Variants in CALB2 observed in about 807,000 individuals in gnomAD.
The protein encoded by CALB2 is calbindin 2, also known as calretinin.
CALB2 carries 34 observed loss-of-function variants against 45.9 expected under a neutral mutation model. The observed-to-expected ratio is 0.74, with a 90% CI of 0.56 to 0.99. CALB2 has a LOEUF of 0.99. Among genes scored for constraint, CALB2 ranks in the 50% least tolerant of loss-of-function variants. The pLI is 0.00. For synonymous variants in CALB2, 142 were observed against 129.6 expected, an observed-to-expected ratio of 1.10 and a Z score of -0.65; for missense variants, 344 against 339.3, an observed-to-expected ratio of 1.01 and a Z score of -0.11.
chr16:71,378,763 A>C (rs2042447274), intron 4 of CALB2, among the ~76,000 whole-genome samples: 1 of 152,172 alleles, frequency 6.6e-6, no homozygotes, highest in Admixed American at 6.5e-5. Flanking sequence ...CTGAGAAATC[A>C]AGCAATAAAG....
At chr16:71,359,753 T>C (rs1206856264) in intron 1 of CALB2, among the ~76,000 whole-genome samples, 3 of 152,196 alleles carry the variant, frequency 2.0e-5, no homozygotes, top group East Asian at 1.9e-4. Flanking sequence ...TTAGAGGCTT[T>C]TGATATCACT....
intron 4 of CALB2, among the ~76,000 whole-genome samples, chr16:71,382,093 A>AAAGG (rs1197560241): frequency 2.1e-5 from 3 of 142,024 alleles, no homozygotes; most frequent in Non-Finnish European, 3.0e-5. Context: ...AAAGAAAGAG[A>AAAGG]AAGGAAGGAA....
chr16:71,380,160 G>C (rs59788423), intron 4 of CALB2, among the ~76,000 whole-genome samples: 20,397 of 151,878 alleles, frequency 0.13, 1,459 homozygotes, highest in South Asian at 0.19. Context: ...TTGTAGGGGG[G>C]GCAGGGATGC....
At chr16:71,361,301 T>A (rs141090388) in intron 1 of CALB2, among the ~76,000 whole-genome samples, 51 of 152,288 alleles carry the variant, frequency 3.3e-4, no homozygotes, top group Middle Eastern at 3.4e-3. Flanking sequence ...AAGATATGTA[T>A]ACAGCCAAAT....
At chr16:71,373,577 C>T (rs1358776055) in intron 2 of CALB2, among the ~76,000 whole-genome samples, 1 of 152,190 alleles carries the variant, frequency 6.6e-6, no homozygotes, top group South Asian at 2.1e-4. Flanking sequence ...AGTCTGTCAA[C>T]AATCCCAACT....
chr16:71,368,860 C>T (rs1045807456), intron 1 of CALB2, among the ~76,000 whole-genome samples: 11 of 152,238 alleles, frequency 7.2e-5, no homozygotes, highest in South Asian at 2.1e-4. Context: ...TCCTGCTGGG[C>T]GAGGCACTGG....
At chr16:71,387,569 G>A (rs1378266472) in intron 10 of CALB2, among the ~76,000 whole-genome samples, 3 of 152,172 alleles carry the variant, frequency 2.0e-5, no homozygotes, top group Non-Finnish European at 4.4e-5. Flanking sequence ...GCTCCTCGAG[G>A]GGACAGGCTG....
At chr16:71,379,180 G>C (rs2042454566) in intron 4 of CALB2, among the ~76,000 whole-genome samples, 1 of 152,090 alleles carries the variant, frequency 6.6e-6, no homozygotes, top group African/African-American at 2.4e-5. Flanking sequence ...AGGAGGCTGA[G>C]GCAGGAGAAT....
chr16:71,384,964 G>A (rs979726432), intron 9 of CALB2, 128 bp downstream of exon 9: 17 of 753,080 alleles, frequency 2.3e-5, no homozygotes, highest in South Asian at 9.3e-5. Context: ...TCTTCCTGCC[G>A]CATCTTCTGC....
rs754772666 is a variant in CALB2, at chr16:71,377,778, C to T, written c.342+31C>T. On this transcript the variant is annotated intron_variant, in intron 4 of 10. Coordinates refer to ENST00000302628, the MANE Select transcript of CALB2 (RefSeq NM_001740.5). ...GCCAAGGCACCACCTTCTTTCTAAGCACTGGGACCTGCCTTCCTCCTGTGT... is the reference window on the plus strand; with the variant it reads ...GCCAAGGCACCACCTTCTTTCTAAGTACTGGGACCTGCCTTCCTCCTGTGT... 3.9e-6 allele frequency: 6 copies of T among 1,525,024 alleles called. No homozygotes were observed. In the Admixed American group the frequency reaches 5.0e-5, roughly 13 times the overall value. The allele number at this position is 1,525,024 out of a possible 1,614,324, so 94.5% of individuals were successfully genotyped here. A position where few individuals can be genotyped will look rare whatever the true frequency, so the allele number is the denominator to read the frequency against.
Position 71,372,159 on chromosome 16 carries a change from G to T in CALB2, c.101G>T (p.Gly34Val). The change falls in exon 2 of 11, where the codon GGG becomes GTG. Residue 34 changes from glycine to valine, a missense_variant. Gly to Val is a moderately radical substitution (Grantham distance 109). Transcript: ENST00000302628. ...IWKHFDADGN[G>V]YIEGKELENF... ...TTTCTCTCTCTTTTTACAGGAAATGGGTATATTGAAGGTAAAGAGCTAGAA... is the reference window on the plus strand; with the variant it reads ...TTTCTCTCTCTTTTTACAGGAAATGTGTATATTGAAGGTAAAGAGCTAGAA... The T allele has an allele frequency of 1.2e-6, 2 of 1,605,972 alleles. No homozygotes were observed.
intron 1 of CALB2, among the ~76,000 whole-genome samples, chr16:71,365,806 C>G (rs1028532654): frequency 4.6e-5 from 7 of 151,876 alleles, no homozygotes; most frequent in African/African-American, 1.7e-4. Flanking sequence ...ACATGCTGCT[C>G]TGAAGCGGTT....
intron 4 of CALB2, 144 bp downstream of exon 4, chr16:71,377,891 G>A (rs1404946677): frequency 2.7e-5 from 16 of 599,326 alleles, no homozygotes; most frequent in South Asian, 1.1e-4. Flanking sequence ...TGTGGTCCGT[G>A]GACCGGCAGC....
intron 2 of CALB2, among the ~76,000 whole-genome samples, chr16:71,374,448 C>A (rs976662984): frequency 7.2e-5 from 11 of 152,168 alleles, no homozygotes; most frequent in African/African-American, 2.7e-4. Context: ...CCAAACCCTT[C>A]CTATAGAGTT....
intron 3 of CALB2, among the ~76,000 whole-genome samples, chr16:71,375,845 C>A (rs1468624553): frequency 6.6e-6 from 1 of 152,186 alleles, no homozygotes; most frequent in African/African-American, 2.4e-5. Context: ...TCTGTTGTAC[C>A]CCTGTGTCAA....
chr16:71,384,406 C>A (rs1407884757), intron 8 of CALB2, 28 bp downstream of exon 8: 2 of 1,543,276 alleles, frequency 1.3e-6, no homozygotes, highest in African/African-American at 2.9e-5. Flanking sequence ...TTCCTTCCCC[C>A]TTCCCTCATC....
chr16:71,377,720 C>G lies in CALB2; in HGVS notation c.315C>G (p.His105Gln), dbSNP rs771060964. ...ACTTCCTTCTGTGCTTCAGGCAGCACGTGGGCTCCAGCGCCGAGTTTATGG... is the reference window on the plus strand; with the variant it reads ...ACTTCCTTCTGTGCTTCAGGCAGCAGGTGGGCTCCAGCGCCGAGTTTATGG... ...EENFLLCFRQHVGSSAEFMEA... is the reference protein window; with the variant it reads ...EENFLLCFRQQVGSSAEFMEA... Residue 105 changes from histidine to glutamine, a missense_variant, in exon 4 of 11, where the codon CAC becomes CAG. His to Gln is a conservative substitution (Grantham distance 24). Transcript: ENST00000302628. 1 of 1,613,940 alleles carries G rather than the reference C, an allele frequency of 6.2e-7. No homozygotes were observed. Among genetic ancestry groups the G allele is most frequent in the Non-Finnish European group, 8.5e-7 (1 of 1,179,928 alleles).
At chr16:71,376,670 CACAT>C (rs756736476) in intron 3 of CALB2, among the ~76,000 whole-genome samples, 15 of 152,086 alleles carry the variant, frequency 9.9e-5, no homozygotes, top group Non-Finnish European at 1.8e-4. Context: ...CATATACACC[CACAT>C]ACAACCACAT....
At chr16:71,367,234 A>T (rs892034114) in intron 1 of CALB2, among the ~76,000 whole-genome samples, 1 of 152,166 alleles carries the variant, frequency 6.6e-6, no homozygotes, top group African/African-American at 2.4e-5. Flanking sequence ...CTGCTCCCTC[A>T]TGTTCACAGG....
Sources: allele counts gnomAD v4.1 joint callset (sites outside exome capture counted in the v4.1 genomes callset), GRCh38; gene constraint gnomAD v4.1.1; transcripts MANE v1.5; gene names NCBI Gene and HGNC (gene_info 2026-07-23, HGNC 2026-07-21).